PLEKHA5: variants seen among roughly 807,000 people sequenced by gnomAD.
The protein encoded by PLEKHA5 is pleckstrin homology domain containing A5, also known as pleckstrin homology domain-containing family A member 5.
In PLEKHA5, 55 loss-of-function variants were observed where a neutral mutation model predicts 181.9. That is an observed-to-expected ratio of 0.30 (90% CI 0.24 to 0.38). The LOEUF is 0.38. Ranked by LOEUF, PLEKHA5 falls within the 10% of genes least tolerant of loss-of-function variation. PLEKHA5 has a pLI of 1.00. For missense variants in PLEKHA5, 1,432 were observed against 1,549.5 expected (o/e 0.92, Z 1.27); for synonymous variants, 535 against 529.4 (o/e 1.01, Z -0.15).
At chr12:19,261,061 T>A (rs1256693801) in intron 7 of PLEKHA5, 40 bp downstream of exon 7, 1 of 1,064,364 alleles carries the variant, frequency 9.4e-7, no homozygotes, top group Admixed American at 1.8e-5. Flanking sequence ...ATTTTGTAAT[T>A]GATATGTAAT....
intron 3 of PLEKHA5, among the ~76,000 whole-genome samples, chr12:19,177,186 T>A (rs1263305854): frequency 6.6e-6 from 1 of 152,146 alleles, no homozygotes; most frequent in Non-Finnish European, 1.5e-5. Context: ...TCTTTTGTTT[T>A]TGTGGTAAGA....
chr12:19,330,993 T>A (rs1360257122), intron 20 of PLEKHA5, among the ~76,000 whole-genome samples: 1 of 152,176 alleles, frequency 6.6e-6, no homozygotes, highest in Non-Finnish European at 1.5e-5. Flanking sequence ...GTCAATACTT[T>A]TCCAAAGTTG....
intron 26 of PLEKHA5, 141 bp downstream of exon 26, chr12:19,354,143 CTTTTTTTTTTTTT>C (rs750923063): frequency 9.3e-5 from 7 of 74,868 alleles, no homozygotes; most frequent in South Asian, 4.1e-4. Flanking sequence ...ATTCTTTATT[CTTTTTTTTTTTTT>C]TTTTTTTTTT....
chr12:19,275,777 A>T (rs2074333576), intron 11 of PLEKHA5, among the ~76,000 whole-genome samples: 1 of 152,180 alleles, frequency 6.6e-6, no homozygotes, highest in Non-Finnish European at 1.5e-5. Flanking sequence ...TAAAAAAAAA[A>T]ATGTAAATAT....
intron 3 of PLEKHA5, among the ~76,000 whole-genome samples, chr12:19,193,484 G>C (rs1385790800): frequency 6.6e-6 from 1 of 152,098 alleles, no homozygotes; most frequent in East Asian, 1.9e-4. Context: ...TTCTGATTTA[G>C]AGTTTTGATT....
chr12:19,187,950 T>C (rs2050229760), intron 3 of PLEKHA5, among the ~76,000 whole-genome samples: 1 of 152,248 alleles, frequency 6.6e-6, no homozygotes, highest in South Asian at 2.1e-4. Flanking sequence ...TGACCAAGCT[T>C]CACAGAAACG....
chr12:19,311,206 G>A (rs989920530), intron 15 of PLEKHA5, among the ~76,000 whole-genome samples: 1 of 150,944 alleles, frequency 6.6e-6, no homozygotes, highest in Non-Finnish European at 1.5e-5. Context: ...TGGGAGGCTT[G>A]CATGAGGCCA....
At chr12:19,333,604 CAT>C (rs1367067010) in intron 20 of PLEKHA5, among the ~76,000 whole-genome samples, 1 of 122,818 alleles carries the variant, frequency 8.1e-6, no homozygotes, top group Non-Finnish European at 1.7e-5. Flanking sequence ...AGAGTTCATT[CAT>C]TCTCTTTTTT....
chr12:19,347,976 A>T (rs1171823404), intron 24 of PLEKHA5, among the ~76,000 whole-genome samples: 1 of 146,122 alleles, frequency 6.8e-6, no homozygotes, highest in Admixed American at 7.2e-5. Flanking sequence ...TCCGCCTCCC[A>T]GGTTCAAGTG....
chr12:19,333,181 A>T (rs1446124480), intron 20 of PLEKHA5, among the ~76,000 whole-genome samples: 1 of 152,198 alleles, frequency 6.6e-6, no homozygotes, highest in East Asian at 1.9e-4. Context: ...ACTACTCGGG[A>T]GCCTGAGGCA....
intron 25 of PLEKHA5, among the ~76,000 whole-genome samples, chr12:19,350,955 C>CTTTT (rs35006570): frequency 4.4e-4 from 49 of 112,536 alleles, no homozygotes; most frequent in African/African-American, 7.0e-4. Context: ...TATTCAAAGT[C>CTTTT]TTTTTTTTTT....
chr12:19,357,184 A>C (rs1333759744), intron 26 of PLEKHA5, among the ~76,000 whole-genome samples: 2 of 151,420 alleles, frequency 1.3e-5, no homozygotes, highest in Non-Finnish European at 2.9e-5. Flanking sequence ...TTCAGGGTCA[A>C]GTTTTATGCA....
At chr12:19,333,328 C>T (rs1405560796) in intron 20 of PLEKHA5, among the ~76,000 whole-genome samples, 1 of 151,552 alleles carries the variant, frequency 6.6e-6, no homozygotes, top group Non-Finnish European at 1.5e-5. Context: ...GGGTGTAATC[C>T]CAGCACTTTG....
At chr12:19,198,324 T>C (rs1160394492) in intron 3 of PLEKHA5, among the ~76,000 whole-genome samples, 3 of 152,176 alleles carry the variant, frequency 2.0e-5, no homozygotes, top group Non-Finnish European at 2.9e-5. Context: ...AGGCCTTCTT[T>C]CATCTCAGAT....
intron 3 of PLEKHA5, among the ~76,000 whole-genome samples, chr12:19,230,455 G>C (rs887688369): frequency 6.6e-6 from 1 of 152,182 alleles, no homozygotes; most frequent in Admixed American, 6.5e-5. Context: ...AACCCATGGC[G>C]GAGGGGAGGC....
At chr12:19,329,594 C>T (rs2092643451) in intron 20 of PLEKHA5, among the ~76,000 whole-genome samples, 1 of 152,126 alleles carries the variant, frequency 6.6e-6, no homozygotes. Flanking sequence ...TTATCTATTT[C>T]ATCTAGATTT....
At chr12:19,132,339 A>T in intron 2 of PLEKHA5, 54 bp from the exon 3 acceptor site, 1 of 857,262 alleles carries the variant, frequency 1.2e-6, no homozygotes, top group Non-Finnish European at 1.9e-6. Context: ...ATGGATTGAG[A>T]CTTATTTTGC....
chr12:19,365,961 C>T lies in PLEKHA5; in HGVS notation c.3609-3C>T, dbSNP rs1167395511. On this transcript the variant is annotated splice_polypyrimidine_tract_variant and splice_region_variant and intron_variant, in intron 29 of 31. Transcript: ENST00000429027. ...TTTTTAAATACCAATCTATTTTCAT[C>T]AGCCCTCAAGATGAAACACAGACCG... is the stretch of plus-strand genomic sequence containing the variant. The T allele has an allele frequency of 1.3e-6, 2 of 1,584,634 alleles. No homozygotes were observed. The highest frequency in any genetic ancestry group is 2.0e-5 in the Admixed American group (1 of 50,514).
intron 3 of PLEKHA5, chr12:19,153,104 T>A (rs931430980): frequency 1.3e-5 from 2 of 152,130 alleles, no homozygotes; most frequent in Non-Finnish European, 2.9e-5. Flanking sequence ...AGTACAGTGA[T>A]AGAAGCAACT....
Sources: gnomAD v4.1 joint callset for allele counts (sites outside exome capture counted in the v4.1 genomes callset) on GRCh38, gnomAD v4.1.1 for gene constraint, MANE v1.5 for transcripts, NCBI Gene and HGNC (gene_info 2026-07-23, HGNC 2026-07-21) for gene names.